The following PRDM16 variants were observed in gnomAD, a reference collection of about 807,000 sequenced individuals.
The protein encoded by PRDM16 is histone-lysine N-methyltransferase PRDM16.
In PRDM16, 23 loss-of-function variants were observed where a neutral mutation model predicts 110.6. The observed-to-expected ratio is 0.21, with a 90% CI of 0.15 to 0.29. PRDM16 has a LOEUF of 0.29. Ranked by LOEUF, PRDM16 falls within the 10% of genes least tolerant of loss-of-function variation. PRDM16 has a pLI of 1.00. For synonymous variants in PRDM16, 799 were observed against 781.8 expected (o/e 1.02, Z -0.37); for missense variants, 1,615 against 1,794.3 (o/e 0.90, Z 1.81).
At chr1:3,362,188 T>G (rs1178613357) in intron 3 of PRDM16, among the ~76,000 whole-genome samples, 2 of 152,242 alleles carry the variant, frequency 1.3e-5, no homozygotes, top group African/African-American at 4.8e-5. Flanking sequence ...GCCTTTGTCT[T>G]CATTCTAGTC....
At chr1:3,221,750 T>C (rs1464166079) in intron 2 of PRDM16, among the ~76,000 whole-genome samples, 2 of 152,252 alleles carry the variant, frequency 1.3e-5, no homozygotes, top group East Asian at 1.9e-4. Flanking sequence ...GACGCACATG[T>C]GTGCAAACAG....
chr1:3,416,570 G>C (rs1162433041), intron 10 of PRDM16, among the ~76,000 whole-genome samples: 3 of 152,176 alleles, frequency 2.0e-5, no homozygotes, highest in Non-Finnish European at 2.9e-5. Context: ...GTTCCTCCCA[G>C]TGACACCAGC....
chr1:3,362,300 G>A (rs184028963), intron 3 of PRDM16, among the ~76,000 whole-genome samples: 29 of 151,712 alleles, frequency 1.9e-4, no homozygotes, highest in Admixed American at 1.6e-3. Flanking sequence ...TAGCGGGCAC[G>A]TGGTGTGTAT....
In PRDM16 at chr1:3,165,567, TCAGGGACAGGGACTCACCTGGGCC is replaced by T. The variant is rs1557495887; in HGVS notation, c.38-20534_38-20511del. Reference sequence around the variant, plus strand: ...CTCAGGGACAGGGACTCACCAGGGCTCAGGGACAGGGACTCACCTGGGCCCAGGGACAGGGACTCACCTGGGCTC... The same window carrying T: ...CTCAGGGACAGGGACTCACCAGGGCTCAGGGACAGGGACTCACCTGGGCTC... On this transcript the variant is annotated intron_variant, in intron 1 of 16. Transcript: ENST00000270722. Among the ~76,000 whole-genome samples the T allele has an allele frequency of 2.2e-4, 24 of 111,078 alleles. 1 individual carries two copies. Among genetic ancestry groups the T allele is most frequent in the Non-Finnish European group, 2.6e-4 (15 of 58,700 alleles). 72.9% of individuals were successfully genotyped at this position (111,078 alleles called of 152,430 possible). A position where few individuals can be genotyped will look rare whatever the true frequency, so the allele number is the denominator to read the frequency against.
chr1:3,135,128 C>A (rs533651317), intron 1 of PRDM16, among the ~76,000 whole-genome samples: 3 of 152,212 alleles, frequency 2.0e-5, no homozygotes, highest in African/African-American at 7.2e-5. Context: ...TGGGGGGCTG[C>A]GGAGCACCCC....
intron 3 of PRDM16, among the ~76,000 whole-genome samples, chr1:3,264,911 G>A (rs1245864301): frequency 1.3e-5 from 2 of 152,160 alleles, no homozygotes; most frequent in Non-Finnish European, 2.9e-5. Context: ...CATTGGCAGG[G>A]ATGGGAAGCC....
At chr1:3,100,752 G>T (rs1457240410) in intron 1 of PRDM16, among the ~76,000 whole-genome samples, 1 of 152,134 alleles carries the variant, frequency 6.6e-6, no homozygotes, top group Non-Finnish European at 1.5e-5. Flanking sequence ...TGGGTCCTGT[G>T]GGGTGGAATG....
intron 3 of PRDM16, among the ~76,000 whole-genome samples, chr1:3,269,325 A>G (rs1039809288): frequency 2.6e-5 from 4 of 151,818 alleles, no homozygotes; most frequent in Non-Finnish European, 5.9e-5. Context: ...GTCCCAGAGG[A>G]GGACAGTTGG....
chr1:3,120,358 C>G (rs1377814645), intron 1 of PRDM16, among the ~76,000 whole-genome samples: 1 of 152,132 alleles, frequency 6.6e-6, no homozygotes, highest in Non-Finnish European at 1.5e-5. Flanking sequence ...AGGTCGTCAC[C>G]GCAGAAGGGA....
intron 2 of PRDM16, among the ~76,000 whole-genome samples, chr1:3,222,523 C>A (rs1031668384): frequency 3.9e-5 from 6 of 152,340 alleles, no homozygotes; most frequent in Admixed American, 6.5e-5. Flanking sequence ...GGAGGTGGAA[C>A]CTGCGGGGCC....
At chr1:3,236,564 G>T (rs894387822) in intron 2 of PRDM16, among the ~76,000 whole-genome samples, 33 of 152,204 alleles carry the variant, frequency 2.2e-4, no homozygotes, top group Admixed American at 1.4e-3. Context: ...CCACGCCGGT[G>T]GGTGCCTGGG....
At chr1:3,173,796 A>G (rs1644055643) in intron 1 of PRDM16, among the ~76,000 whole-genome samples, 1 of 152,318 alleles carries the variant, frequency 6.6e-6, no homozygotes, top group South Asian at 2.1e-4. Context: ...CTCCGTGCTC[A>G]GCAATGCGGT....
chr1:3,156,596 C>T (rs765163156), intron 1 of PRDM16, among the ~76,000 whole-genome samples: 33 of 152,178 alleles, frequency 2.2e-4, no homozygotes, highest in Admixed American at 2.0e-4. Flanking sequence ...CCCTCTCTCT[C>T]TCTAGATGAT....
In PRDM16 at chr1:3,201,188, G is replaced by A. The variant is rs571931211; in HGVS notation, c.387+14714G>A. Among the ~76,000 whole-genome samples the A allele has an allele frequency of 6.6e-6, 1 of 152,302 alleles. No homozygotes were observed. Among genetic ancestry groups the A allele is most frequent in the South Asian group, 2.1e-4 (1 of 4,824 alleles). ...GACAGGGATGGAAAAAGGGGTCTGG[G>A]CTGCATTTTGATAAAAGCCTTCAAA... On this transcript the variant is annotated intron_variant, in intron 2 of 16. Transcript: ENST00000270722. The surrounding 1 kb of genome is among the most constrained non-coding windows in gnomAD (Gnocchi z 4.1).
In PRDM16 at chr1:3,418,004, G is replaced by A. The variant is rs372401362; in HGVS notation, c.2861+7G>A. The A allele has an allele frequency of 1.2e-6, 2 of 1,608,528 alleles. No individual in the cohort carries two copies. The highest frequency in any genetic ancestry group is 2.7e-5 in the African/African-American group (2 of 74,956). ...AGGAGCGATACACGTGCAGGTGAGG[G>A]GCCCTTTGGTGCTGCTGGGACAGCC... On this transcript the variant is annotated splice_region_variant and intron_variant, in intron 11 of 16. Transcript: ENST00000270722.
At position 3,246,068 on chromosome 1, in the gene PRDM16, A is replaced by T. The variant is rs1045084777; in HGVS notation, c.438+1931A>T. Reference sequence around the variant, plus strand: ...AGGTCAAAAGGTCAAGTCTAGATTTAAAGGGCCCGGGGGAGGCAAGTGCTG... The same window carrying T: ...AGGTCAAAAGGTCAAGTCTAGATTTTAAGGGCCCGGGGGAGGCAAGTGCTG... On this transcript the variant is annotated intron_variant, in intron 3 of 16. Coordinates refer to ENST00000270722, the MANE Select transcript of PRDM16 (RefSeq NM_022114.4). The surrounding 1 kb of genome is among the most constrained non-coding windows in gnomAD (Gnocchi z 5.2). Among the ~76,000 whole-genome samples, 23 of 152,174 alleles carry T rather than the reference A, an allele frequency of 1.5e-4. No homozygotes were observed. The highest frequency in any genetic ancestry group is 5.3e-4 in the African/African-American group (22 of 41,438).
At chr1:3,381,915 G>A (rs1486730003) in intron 3 of PRDM16, among the ~76,000 whole-genome samples, 1 of 152,210 alleles carries the variant, frequency 6.6e-6, no homozygotes, top group Non-Finnish European at 1.5e-5. Context: ...ACCTGTACAG[G>A]GGCTGTGAGT....
At chr1:3,087,740 G>A (rs545436686) in intron 1 of PRDM16, among the ~76,000 whole-genome samples, 21 of 152,166 alleles carry the variant, frequency 1.4e-4, no homozygotes, top group African/African-American at 3.1e-4. Context: ...CAAAAATCAC[G>A]TCTTGGTTGT....
rs568771687 is a variant in PRDM16, at chr1:3,146,187, G to A, written c.38-39938G>A. Among the ~76,000 whole-genome samples the A allele has an allele frequency of 1.2e-4, 19 of 152,278 alleles. No individual in the cohort carries two copies. In the South Asian group the frequency reaches 1.5e-3, roughly 12 times the overall value. On this transcript the variant is annotated intron_variant, in intron 1 of 16. Coordinates refer to ENST00000270722, the MANE Select transcript of PRDM16 (RefSeq NM_022114.4). ...GGGATATTCTGCCGCCTTCTGCACC[G>A]CCCACCCCAACTCCTTACCCTCGGA...
Sources: gnomAD v4.1 joint callset for allele counts (sites outside exome capture counted in the v4.1 genomes callset) on GRCh38, gnomAD v4.1.1 for gene constraint, Gnocchi (gnomAD v3.1) non-coding constraint, MANE v1.5 for transcripts, NCBI Gene and HGNC (gene_info 2026-07-23, HGNC 2026-07-21) for gene names.